AFG2A: variants seen among roughly 807,000 people sequenced by gnomAD.
AFG2A encodes the protein ATPase family gene 2 protein homolog A.
At chr4:123,303,053 T>C in the AFG2A span, among the ~76,000 whole-genome samples, 1 of 152,204 alleles carries the variant, frequency 6.6e-6, no homozygotes, top group Non-Finnish European at 1.5e-5. Flanking sequence ...TCTCCTTCCC[T>C]ACCCAGTGGT....
chr4:123,299,116 AATGTGTGT>A, the AFG2A span, among the ~76,000 whole-genome samples: 1 of 72,130 alleles, frequency 1.4e-5, no homozygotes, highest in Non-Finnish European at 2.8e-5. Context: ...TGCATCTGCC[AATGTGTGT>A]GTGTGTGTGT....
the AFG2A span, among the ~76,000 whole-genome samples, chr4:123,304,924 A>C: frequency 1.3e-5 from 2 of 152,298 alleles, no homozygotes; most frequent in East Asian, 3.9e-4. Context: ...ACTCACTCAC[A>C]CAAGAAATTG....
chr4:123,166,621 G>A, the AFG2A span, among the ~76,000 whole-genome samples: 1 of 152,082 alleles, frequency 6.6e-6, no homozygotes, highest in Admixed American at 6.5e-5. Context: ...TGGATCTATG[G>A]ATTTCGTTGG....
chr4:123,238,530 C>T, the AFG2A span, among the ~76,000 whole-genome samples: 1 of 152,166 alleles, frequency 6.6e-6, no homozygotes, highest in Non-Finnish European at 1.5e-5. Flanking sequence ...GCTGGTGATA[C>T]CCAGGCAAAC....
At chr4:123,058,541 C>G in the AFG2A span, among the ~76,000 whole-genome samples, 2 of 152,192 alleles carry the variant, frequency 1.3e-5, no homozygotes. Context: ...AGGAGAATTG[C>G]TTGAGCCCAG....
the AFG2A span, among the ~76,000 whole-genome samples, chr4:122,975,573 C>T: frequency 3.5e-4 from 54 of 152,200 alleles, no homozygotes; most frequent in Non-Finnish European, 6.8e-4. Context: ...AGCATTTGCA[C>T]CAGTTCCTGA....
chr4:123,310,244 T>A, the AFG2A span, among the ~76,000 whole-genome samples: 1 of 152,228 alleles, frequency 6.6e-6, no homozygotes, highest in African/African-American at 2.4e-5. Flanking sequence ...GGTTTAGAGC[T>A]TTAGAGAGGA....
chr4:122,940,093 C>T, the AFG2A span, among the ~76,000 whole-genome samples: 21 of 152,104 alleles, frequency 1.4e-4, no homozygotes, highest in Admixed American at 4.6e-4. Flanking sequence ...AATAAACATA[C>T]GTGTGCATGT....
chr4:123,103,013 A>T, the AFG2A span, among the ~76,000 whole-genome samples: 4 of 152,058 alleles, frequency 2.6e-5, no homozygotes, highest in African/African-American at 4.8e-5. Flanking sequence ...GAACCTTCAT[A>T]CATTTTGACT....
At chr4:122,935,797 G>A in the AFG2A span, 1 of 1,613,142 alleles carries the variant, frequency 6.2e-7, no homozygotes, top group Non-Finnish European at 8.5e-7. Context: ...TGCTAATGAA[G>A]TTGGAGCCTA....
chr4:123,016,201 C>G, the AFG2A span, among the ~76,000 whole-genome samples: 1 of 113,880 alleles, frequency 8.8e-6, no homozygotes, highest in African/African-American at 3.4e-5. Flanking sequence ...GGCGGCTGGC[C>G]GGGCAGGGGG....
the AFG2A span, chr4:122,923,328 C>T: frequency 6.2e-7 from 1 of 1,612,970 alleles, no homozygotes; most frequent in Non-Finnish European, 8.5e-7. Flanking sequence ...GGGTGGGAGA[C>T]TAGAGGCCGA....
At chr4:123,002,395 A>G in the AFG2A span, among the ~76,000 whole-genome samples, 1 of 152,098 alleles carries the variant, frequency 6.6e-6, no homozygotes, top group Admixed American at 6.5e-5. Flanking sequence ...GTTTCTTCCT[A>G]GTCTCAATGG....
chr4:123,099,518 A>C, the AFG2A span, among the ~76,000 whole-genome samples: 1 of 151,480 alleles, frequency 6.6e-6, no homozygotes, highest in Non-Finnish European at 1.5e-5. Flanking sequence ...TTTTGAGTTG[A>C]ATGAGCCACA....
At chr4:123,074,447 C>CTT in the AFG2A span, among the ~76,000 whole-genome samples, 10 of 37,212 alleles carry the variant, frequency 2.7e-4, no homozygotes, top group Admixed American at 4.3e-4. Context: ...TTCTTTTTTT[C>CTT]TTTTTTTTTT....
At chr4:123,108,829 T>A in the AFG2A span, among the ~76,000 whole-genome samples, 2 of 152,172 alleles carry the variant, frequency 1.3e-5, no homozygotes, top group Non-Finnish European at 2.9e-5. Context: ...TTTCTAAGAG[T>A]TCAGCCTCTT....
the AFG2A span, among the ~76,000 whole-genome samples, chr4:123,060,916 A>G: frequency 6.6e-6 from 1 of 152,192 alleles, no homozygotes. Flanking sequence ...TCCACCAGAT[A>G]TCCCAAATAA....
chr4:123,141,317 G>C, the AFG2A span, among the ~76,000 whole-genome samples: 1 of 152,152 alleles, frequency 6.6e-6, no homozygotes, highest in Admixed American at 6.5e-5. Context: ...GTTAAAATTA[G>C]CCAGGCATGG....
chr4:123,265,761 A>G, the AFG2A span, among the ~76,000 whole-genome samples: 5 of 152,100 alleles, frequency 3.3e-5, no homozygotes, highest in Non-Finnish European at 7.4e-5. Context: ...GACCTACCAG[A>G]TAATCTAGTC....
Sources: allele counts gnomAD v4.1 joint callset (sites outside exome capture counted in the v4.1 genomes callset), GRCh38; gene constraint gnomAD v4.1.1; transcripts MANE v1.5; gene names NCBI Gene and HGNC (gene_info 2026-07-23, HGNC 2026-07-21).